Variants in ADAP2 observed in about 807,000 individuals in gnomAD.
ADAP2 encodes ArfGAP with dual PH domains 2.
ADAP2 carries 42 observed loss-of-function variants against 54.9 expected under a neutral mutation model. That is an observed-to-expected ratio of 0.77 (90% CI 0.60 to 0.99). The LOEUF (loss-of-function observed/expected upper bound fraction) is 0.99. Ranked by LOEUF, ADAP2 falls within the 50% of genes least tolerant of loss-of-function variation. The probability of loss-of-function intolerance (pLI) is 0.00; values close to 1 mark genes in which losing one functional copy is unlikely to be tolerated. For missense variants in ADAP2, 429 were observed against 480.4 expected, an observed-to-expected ratio of 0.89 and a Z score of 1.00; for synonymous variants, 177 against 180.1, an observed-to-expected ratio of 0.98 and a Z score of 0.14.
chr17:30,923,410 G>T (rs956935966), intron 2 of ADAP2, among the ~76,000 whole-genome samples: 3 of 150,598 alleles, frequency 2.0e-5, no homozygotes, highest in Non-Finnish European at 3.0e-5. Flanking sequence ...GATTACAGGC[G>T]CCTGCCACCA....
chr17:30,924,872 T>G (rs530791032), intron 2 of ADAP2, among the ~76,000 whole-genome samples: 40 of 151,716 alleles, frequency 2.6e-4, no homozygotes, highest in African/African-American at 9.2e-4. Flanking sequence ...TTTTGTTTTT[T>G]TTGTTTTTTT....
At chr17:30,953,390 A>T in intron 8 of ADAP2, 40 bp downstream of exon 8, 1 of 1,587,806 alleles carries the variant, frequency 6.3e-7, no homozygotes, top group Non-Finnish European at 8.6e-7. Context: ...ATATGGTTTA[A>T]TGTATATAGA....
intron 4 of ADAP2, among the ~76,000 whole-genome samples, chr17:30,933,370 G>T (rs1911637674): frequency 6.6e-6 from 1 of 150,638 alleles, no homozygotes; most frequent in South Asian, 2.1e-4. Flanking sequence ...ATATTTTTAG[G>T]AGAGTCAGGG....
chr17:30,936,375 G>A (rs1233509891), intron 5 of ADAP2, among the ~76,000 whole-genome samples: 3 of 151,882 alleles, frequency 2.0e-5, no homozygotes, highest in Non-Finnish European at 4.4e-5. Flanking sequence ...TGTTGTCTAC[G>A]CTGTTCTCAA....
At chr17:30,950,485 C>T (rs2142580383) in intron 7 of ADAP2, among the ~76,000 whole-genome samples, 1 of 152,282 alleles carries the variant, frequency 6.6e-6, no homozygotes, top group South Asian at 2.1e-4. Context: ...TAGTCCAGGT[C>T]ATCTTCAGGG....
At chr17:30,936,564 T>A (rs1040630194) in intron 5 of ADAP2, among the ~76,000 whole-genome samples, 3 of 152,180 alleles carry the variant, frequency 2.0e-5, no homozygotes, top group African/African-American at 7.2e-5. Flanking sequence ...GTTGAGCATC[T>A]TTTTAATGTG....
intron 6 of ADAP2, among the ~76,000 whole-genome samples, chr17:30,948,620 G>A (rs1181343547): frequency 6.6e-6 from 1 of 152,150 alleles, no homozygotes; most frequent in African/African-American, 2.4e-5. Flanking sequence ...GAGAGGGCCA[G>A]TCAGAGAGCA....
chr17:30,956,793 T>A (rs1905107580), intron 10 of ADAP2: 1 of 315,494 alleles, frequency 3.2e-6, no homozygotes, highest in Admixed American at 4.3e-5. Flanking sequence ...CCGTGCTCTA[T>A]GCTGATCCTT....
rs1189821004 is a variant in ADAP2 at position 30,936,864 on chromosome 17, T to C, written c.510+2567T>C. On this transcript the variant is annotated intron_variant, in intron 5 of 10. Transcript: ENST00000330889. Reference sequence around the variant, plus strand: ...AAAAATTTGAGCTTTTGGATTTTACTGAGTGAGATGGGAAGAAATTGGAGG... The same window carrying C: ...AAAAATTTGAGCTTTTGGATTTTACCGAGTGAGATGGGAAGAAATTGGAGG... 5.3e-5 allele frequency among the ~76,000 whole-genome samples: 8 copies of C among 152,352 alleles called. No individual in the cohort carries two copies. In the South Asian group the frequency reaches 1.0e-3, roughly 20 times the overall value.
chr17:30,957,571 G>C (rs1056050512), intron 10 of ADAP2, among the ~76,000 whole-genome samples: 2 of 152,060 alleles, frequency 1.3e-5, no homozygotes, highest in African/African-American at 4.8e-5. Flanking sequence ...GGGACTACAG[G>C]CTCGTGACAC....
intron 7 of ADAP2, among the ~76,000 whole-genome samples, chr17:30,950,880 C>A (rs1904576230): frequency 6.6e-6 from 1 of 152,208 alleles, no homozygotes; most frequent in African/African-American, 2.4e-5. Context: ...AGATGCTCAG[C>A]CTTATTTAAT....
intron 2 of ADAP2, among the ~76,000 whole-genome samples, chr17:30,924,120 C>T (rs879510669): frequency 1.7e-4 from 26 of 152,136 alleles, no homozygotes; most frequent in Non-Finnish European, 3.7e-4. Context: ...CACCTATAAT[C>T]CCAGCACTTT....
At chr17:30,954,448 A>T (rs1453649573) in intron 8 of ADAP2, 30 bp from the exon 9 acceptor site, 1 of 1,605,990 alleles carries the variant, frequency 6.2e-7, no homozygotes, top group African/African-American at 1.3e-5. Context: ...TGACCTGGTC[A>T]TCTGTGGTAA....
At chr17:30,940,591 C>T (rs1344984152) in intron 5 of ADAP2, among the ~76,000 whole-genome samples, 1 of 152,238 alleles carries the variant, frequency 6.6e-6, no homozygotes, top group East Asian at 1.9e-4. Flanking sequence ...AGGCGTGAGC[C>T]ACCATGCCCG....
chr17:30,937,522 T>C (rs1046898967), intron 5 of ADAP2, among the ~76,000 whole-genome samples: 2 of 152,220 alleles, frequency 1.3e-5, no homozygotes, highest in Admixed American at 1.3e-4. Flanking sequence ...GCGCCCAGCC[T>C]GACTTAAGCT....
chr17:30,931,622 A>T (rs1248882650), intron 3 of ADAP2, among the ~76,000 whole-genome samples: 4 of 151,996 alleles, frequency 2.6e-5, no homozygotes, highest in Non-Finnish European at 4.4e-5. Context: ...GGAGTTCAAG[A>T]CCAGCTTAGG....
At chr17:30,936,069 A>T (rs535352599) in intron 5 of ADAP2, among the ~76,000 whole-genome samples, 1 of 152,096 alleles carries the variant, frequency 6.6e-6, no homozygotes, top group Admixed American at 6.5e-5. Flanking sequence ...ACCCCACCCC[A>T]CCACTAGCCC....
rs1186382439 is a variant in ADAP2, at chr17:30,922,092, C to A, written c.78C>A (p.Ala26=). 8.0e-7 allele frequency: 1 copy of A among 1,252,188 alleles called. No homozygotes were observed. Among genetic ancestry groups the A allele is most frequent in the African/African-American group, 1.6e-5 (1 of 64,260 alleles). 77.6% of individuals were successfully genotyped at this position (1,252,188 alleles called of 1,614,324 possible). The part of the protein sequence containing the change: ...RAPDTGNAHC[A]DCGAADPDWA... ...CGGACACAGGCAACGCGCACTGCGC[C>A]GACTGCGGGGCGGCAGGTAAGGGCG... The change falls in exon 1 of 11, where the codon GCC becomes GCA. Residue 26 remains alanine, a synonymous_variant. Transcript: ENST00000330889.
chr17:30,949,561 G>A (rs998591944), intron 7 of ADAP2, among the ~76,000 whole-genome samples, 191 bp downstream of exon 7: 19 of 152,026 alleles, frequency 1.2e-4, no homozygotes, highest in East Asian at 1.9e-4. Context: ...ATCCTGGCTA[G>A]CACGGTGAAA....
Sources: gnomAD v4.1 joint callset for allele counts (sites outside exome capture counted in the v4.1 genomes callset) on GRCh38, gnomAD v4.1.1 for gene constraint, MANE v1.5 for transcripts, NCBI Gene and HGNC (gene_info 2026-07-23, HGNC 2026-07-21) for gene names.